Variants in ZNF618 observed in about 807,000 individuals in gnomAD.
ZNF618 encodes the protein neural precursor cell expressed, developmentally down-regulated 10.
A neutral mutation model predicts 103.0 loss-of-function variants in ZNF618; 34 were observed. The ratio of observed to expected loss-of-function variants is 0.33; its 90% CI spans 0.25 to 0.44. ZNF618 has a LOEUF of 0.44. Among genes scored for constraint, ZNF618 ranks in the 20% least tolerant of loss-of-function variants. The pLI is 1.00. For missense variants in ZNF618, 1,059 were observed against 1,295.4 expected (o/e 0.82, Z 2.80); for synonymous variants, 551 against 542.2 (o/e 1.02, Z -0.23).
chr9:114,018,557 T>A, intron 10 of ZNF618, among the ~76,000 whole-genome samples: 1 of 152,328 alleles, frequency 6.6e-6, no homozygotes, highest in Non-Finnish European at 1.5e-5. Flanking sequence ...GATGGGGAGC[T>A]TGGCTTTGAA....
intron 10 of ZNF618, 43 bp from the exon 11 acceptor site, chr9:114,028,690 C>G: frequency 1.3e-6 from 2 of 1,527,450 alleles, no homozygotes; most frequent in Middle Eastern, 1.7e-4. Flanking sequence ...CTCACTCTGC[C>G]GGCTGGGAGG....
intron 12 of ZNF618, among the ~76,000 whole-genome samples, chr9:114,033,135 C>G (rs544843300): frequency 1.3e-5 from 2 of 152,148 alleles, no homozygotes; most frequent in Non-Finnish European, 2.9e-5. Flanking sequence ...AGAGGCCGGG[C>G]GCCGTGGCTC....
At chr9:113,899,688 A>G (rs7040810) in intron 1 of ZNF618, among the ~76,000 whole-genome samples, 35,523 of 152,138 alleles carry the variant, frequency 0.23, 4,362 homozygotes, top group Non-Finnish European at 0.27. Flanking sequence ...CCGCTGACTT[A>G]GATGACTCTA....
intron 13 of ZNF618, among the ~76,000 whole-genome samples, chr9:114,038,620 C>A (rs920578672): frequency 6.6e-6 from 1 of 152,232 alleles, no homozygotes; most frequent in Non-Finnish European, 1.5e-5. Flanking sequence ...TAATAAACTT[C>A]CTTTCTGTGC....
At chr9:113,907,025 A>G (rs1831049498) in intron 1 of ZNF618, among the ~76,000 whole-genome samples, 1 of 152,240 alleles carries the variant, frequency 6.6e-6, no homozygotes, top group African/African-American at 2.4e-5. Flanking sequence ...CCAGTGGAGT[A>G]GTCCTGGAGG....
rs558766678 is a variant in ZNF618, at chr9:113,883,982, GCCC to G, written c.33+7587_33+7589del. Among the ~76,000 whole-genome samples the G allele has an allele frequency of 1.5e-3, 44 of 29,686 alleles. 2 individuals carry two copies. The highest frequency in any genetic ancestry group is 4.8e-3 in the African/African-American group (31 of 6,458). The allele number at this position is 29,686 out of a possible 152,430, so 19.5% of individuals were successfully genotyped here. ...TTTACCTCACTTTTCTCTGGGCTTG[GCCC>G]CCCCCCCCCCCCCCCCCGCCCTGTA... On this transcript the variant is annotated intron_variant, in intron 1 of 14. Coordinates refer to ENST00000374126, the MANE Select transcript of ZNF618 (RefSeq NM_001318042.2).
intron 1 of ZNF618, among the ~76,000 whole-genome samples, chr9:113,930,420 T>C (rs935862281): frequency 5.9e-5 from 9 of 152,228 alleles, no homozygotes; most frequent in South Asian, 2.1e-4. Context: ...TTGAGCTTCA[T>C]GATGGGAAAC....
At chr9:114,048,186 A>G (rs1338612679) in intron 14 of ZNF618, among the ~76,000 whole-genome samples, 192 bp downstream of exon 14, 1 of 152,234 alleles carries the variant, frequency 6.6e-6, no homozygotes, top group African/African-American at 2.4e-5. Context: ...AAGGAGGCCC[A>G]GGGAGAGGAG....
intron 6 of ZNF618, among the ~76,000 whole-genome samples, chr9:114,003,417 T>C (rs935641979): frequency 1.3e-5 from 2 of 152,206 alleles, no homozygotes; most frequent in African/African-American, 2.4e-5. Context: ...AGATGCAAAC[T>C]AGAATGTCCT....
chr9:113,998,487 C>T (rs1840852004), intron 4 of ZNF618, 133 bp downstream of exon 4: 1 of 744,158 alleles, frequency 1.3e-6, no homozygotes, highest in South Asian at 1.8e-5. Context: ...GGGCCACCTT[C>T]TTCATCCCCT....
At chr9:113,987,277 G>A (rs778076216) in intron 2 of ZNF618, among the ~76,000 whole-genome samples, 2 of 152,188 alleles carry the variant, frequency 1.3e-5, no homozygotes, top group Admixed American at 6.5e-5. Flanking sequence ...CTTCAGGAGT[G>A]GATGGCAGGG....
At chr9:114,047,510 CCCTT>C (rs1210278003) in intron 13 of ZNF618, among the ~76,000 whole-genome samples, 4 of 152,146 alleles carry the variant, frequency 2.6e-5, no homozygotes, top group Non-Finnish European at 4.4e-5. Flanking sequence ...GGTACTCCCT[CCCTT>C]CCCTCCATAT....
intron 9 of ZNF618, among the ~76,000 whole-genome samples, chr9:114,012,536 A>G (rs75129908): frequency 6.6e-6 from 1 of 152,196 alleles, no homozygotes; most frequent in Non-Finnish European, 1.5e-5. Flanking sequence ...GACACAGTTC[A>G]GTCCATAGCA....
chr9:113,979,015 G>C (rs555072688), intron 2 of ZNF618, among the ~76,000 whole-genome samples: 49 of 152,250 alleles, frequency 3.2e-4, no homozygotes, highest in Non-Finnish European at 6.2e-4. Flanking sequence ...GTTTTGTCTG[G>C]TCATTTTCTG....
At chr9:113,969,195 C>T (rs1353417495) in intron 2 of ZNF618, 35 bp downstream of exon 2, 3 of 1,613,678 alleles carry the variant, frequency 1.9e-6, no homozygotes, top group Admixed American at 1.7e-5. Context: ...CTTGTCCACC[C>T]ATCGACTCAG....
At chr9:114,040,233 G>T (rs928934167) in intron 13 of ZNF618, among the ~76,000 whole-genome samples, 6 of 152,264 alleles carry the variant, frequency 3.9e-5, no homozygotes, top group African/African-American at 1.2e-4. Flanking sequence ...GAGAGTTGAA[G>T]TAGCCAATTC....
chr9:113,914,935 C>T (rs1831929939), intron 1 of ZNF618, among the ~76,000 whole-genome samples: 1 of 152,218 alleles, frequency 6.6e-6, no homozygotes, highest in African/African-American at 2.4e-5. Flanking sequence ...AACTTACCTG[C>T]ATAGCCCCTG....
intron 2 of ZNF618, among the ~76,000 whole-genome samples, chr9:113,977,497 A>G (rs1838588745): frequency 6.6e-6 from 1 of 152,100 alleles, no homozygotes. Context: ...ATAGGACCTC[A>G]TGTGTGCAGG....
At chr9:114,008,934 A>T (rs1387030316) in intron 9 of ZNF618, among the ~76,000 whole-genome samples, 1 of 152,218 alleles carries the variant, frequency 6.6e-6, no homozygotes, top group Non-Finnish European at 1.5e-5. Flanking sequence ...ACTTGTTAGC[A>T]CAGTGCCTGG....
Sources: gnomAD v4.1 joint callset for allele counts (sites outside exome capture counted in the v4.1 genomes callset) on GRCh38, gnomAD v4.1.1 for gene constraint, MANE v1.5 for transcripts, NCBI Gene and HGNC (gene_info 2026-07-23, HGNC 2026-07-21) for gene names.